Variants in LRRTM4 observed in about 807,000 individuals in gnomAD.
LRRTM4 encodes the protein leucine-rich repeat transmembrane neuronal protein 4.
In LRRTM4, 25 loss-of-function variants were observed where a neutral mutation model predicts 47.6. That is an observed-to-expected ratio of 0.53 (90% CI 0.38 to 0.73). LRRTM4 has a LOEUF of 0.73. Among genes scored for constraint, LRRTM4 ranks in the 30% least tolerant of loss-of-function variants. The pLI, the probability that LRRTM4 is intolerant of heterozygous loss-of-function variation, is 0.00. For synonymous variants in LRRTM4, 311 were observed against 269.5 expected (o/e 1.15, Z -1.51); for missense variants, 638 against 713.4 (o/e 0.89, Z 1.20).
intron 3 of LRRTM4, among the ~76,000 whole-genome samples, chr2:76,784,712 C>T (rs952035194): frequency 6.6e-6 from 1 of 152,022 alleles, no homozygotes; most frequent in Non-Finnish European, 1.5e-5. Context: ...ATCATTTTTA[C>T]ACATCTGAAC....
At chr2:76,937,848 G>A (rs1055534392) in intron 3 of LRRTM4, among the ~76,000 whole-genome samples, 1 of 152,132 alleles carries the variant, frequency 6.6e-6, no homozygotes, top group Non-Finnish European at 1.5e-5. Context: ...TTACAGGCAT[G>A]AGCCACTGCA....
intron 3 of LRRTM4, among the ~76,000 whole-genome samples, chr2:77,350,439 T>A (rs1247053642): frequency 6.6e-6 from 1 of 151,410 alleles, no homozygotes; most frequent in African/African-American, 2.4e-5. Context: ...GAAATAAATA[T>A]TTAAATGGCT....
chr2:76,845,901 G>T (rs752761183), intron 3 of LRRTM4, among the ~76,000 whole-genome samples: 1 of 152,018 alleles, frequency 6.6e-6, no homozygotes, highest in Non-Finnish European at 1.5e-5. Context: ...CTGGAACAAA[G>T]GTGATAAAAC....
In LRRTM4 at chr2:77,067,500, T is replaced by C. The variant is rs564568453; in HGVS notation, c.1552-318584A>G. Among the ~76,000 whole-genome samples the C allele has an allele frequency of 2.6e-5, 4 of 152,122 alleles. No homozygotes were observed. The South Asian group carries it at 8.3e-4, about 32-fold the overall frequency. On this transcript the variant is annotated intron_variant, in intron 3 of 3. Transcript: ENST00000409884. ...CTGGGTATGAGACAATGAGTTCAAA[T>C]GTAGATACAACTAACAAATTTTAAA...
chr2:76,967,335 T>G (rs763747212), intron 3 of LRRTM4, among the ~76,000 whole-genome samples: 4 of 149,828 alleles, frequency 2.7e-5, no homozygotes, highest in African/African-American at 7.5e-5. Flanking sequence ...ACAGTCATTA[T>G]CAGTTGAGAT....
At chr2:77,207,741 T>G (rs908729652) in intron 3 of LRRTM4, among the ~76,000 whole-genome samples, 8 of 152,074 alleles carry the variant, frequency 5.3e-5, no homozygotes, top group Non-Finnish European at 1.0e-4. Flanking sequence ...AAACTATGTA[T>G]GATATGTTCC....
At chr2:76,835,300 G>GT in intron 3 of LRRTM4, among the ~76,000 whole-genome samples, 1 of 87,038 alleles carries the variant, frequency 1.1e-5, no homozygotes, top group Admixed American at 1.6e-4. Context: ...GAAAACTAAT[G>GT]TGAGTGTCTG....
At chr2:77,339,979 T>G (rs1671309242) in intron 3 of LRRTM4, among the ~76,000 whole-genome samples, 1 of 151,910 alleles carries the variant, frequency 6.6e-6, no homozygotes, top group South Asian at 2.1e-4. Context: ...AAATCTATAT[T>G]TTGAATATAA....
chr2:76,838,242 T>A (rs1486892820), intron 3 of LRRTM4, among the ~76,000 whole-genome samples: 14 of 152,128 alleles, frequency 9.2e-5, no homozygotes, highest in Non-Finnish European at 5.9e-5. Flanking sequence ...TCAATTTACA[T>A]CACCATAAGA....
At chr2:77,522,023 A>C in intron 1 of LRRTM4, 86 bp downstream of exon 1, 1 of 703,304 alleles carries the variant, frequency 1.4e-6, no homozygotes, top group Non-Finnish European at 2.6e-6. Flanking sequence ...AGTAATTGGC[A>C]ATCTGTGCAA....
chr2:76,992,147 G>C (rs1677030637), intron 3 of LRRTM4, among the ~76,000 whole-genome samples: 1 of 151,672 alleles, frequency 6.6e-6, no homozygotes, highest in Admixed American at 6.6e-5. Flanking sequence ...AAAATAATAA[G>C]AGCTATCTAT....
In LRRTM4 at chr2:77,492,263, T is replaced by C. The variant is rs576070818; in HGVS notation, c.1551+26055A>G. Among the ~76,000 whole-genome samples the C allele has an allele frequency of 9.2e-4, 140 of 152,264 alleles. 1 individual carries two copies. Among genetic ancestry groups the C allele is most frequent in the African/African-American group, 3.3e-3 (138 of 41,534 alleles). ...ACAAAATATATCAATATATGTTTTG[T>C]TTTGTTTCTCTTTTAGAGATAGGGT... On this transcript the variant is annotated intron_variant, in intron 3 of 3. Coordinates refer to ENST00000409884, the MANE Select transcript of LRRTM4 (RefSeq NM_001134745.3).
At chr2:77,454,692 T>C (rs987492279) in intron 3 of LRRTM4, among the ~76,000 whole-genome samples, 4 of 152,156 alleles carry the variant, frequency 2.6e-5, no homozygotes, top group African/African-American at 9.7e-5. Context: ...TGTTTTTTGG[T>C]TCTATATCTT....
At chr2:77,440,321 G>A (rs766115653) in intron 3 of LRRTM4, among the ~76,000 whole-genome samples, 16 of 152,272 alleles carry the variant, frequency 1.1e-4, no homozygotes, top group Middle Eastern at 3.4e-3. Flanking sequence ...GGCTGAGGCA[G>A]GAGAATGGTG....
intron 3 of LRRTM4, among the ~76,000 whole-genome samples, chr2:77,203,385 G>T (rs1674031923): frequency 6.6e-6 from 1 of 152,050 alleles, no homozygotes; most frequent in Non-Finnish European, 1.5e-5. Context: ...CAAGAACTGG[G>T]TCACATGGTC....
intron 3 of LRRTM4, among the ~76,000 whole-genome samples, chr2:76,881,242 C>A (rs893591747): frequency 2.6e-5 from 4 of 152,136 alleles, no homozygotes; most frequent in African/African-American, 7.2e-5. Context: ...AGCTCAAACA[C>A]AGAATTCTGT....
intron 3 of LRRTM4, among the ~76,000 whole-genome samples, chr2:77,059,079 T>C (rs1458747197): frequency 3.9e-5 from 6 of 152,182 alleles, no homozygotes; most frequent in African/African-American, 1.4e-4. Context: ...CGCTAAACTT[T>C]GTCAGTCTCC....
At chr2:77,492,415 C>T (rs900733997) in intron 3 of LRRTM4, among the ~76,000 whole-genome samples, 4 of 152,064 alleles carry the variant, frequency 2.6e-5, no homozygotes, top group South Asian at 2.1e-4. Context: ...CATGCCATCA[C>T]GCCTGGCTAA....
At chr2:77,333,076 T>C (rs1427691554) in intron 3 of LRRTM4, among the ~76,000 whole-genome samples, 1 of 152,214 alleles carries the variant, frequency 6.6e-6, no homozygotes, top group Admixed American at 6.5e-5. Flanking sequence ...TCTGCTGTCA[T>C]TTACATAAGA....
Sources: gnomAD v4.1 joint callset for allele counts (sites outside exome capture counted in the v4.1 genomes callset) on GRCh38, gnomAD v4.1.1 for gene constraint, MANE v1.5 for transcripts, NCBI Gene and HGNC (gene_info 2026-07-23, HGNC 2026-07-21) for gene names.